EPB41L5: variants seen among roughly 807,000 people sequenced by gnomAD.
EPB41L5 encodes erythrocyte membrane protein band 4.1 like 5, also known as band 4.1-like protein 5.
EPB41L5 carries 55 observed loss-of-function variants against 106.6 expected under a neutral mutation model. The observed-to-expected ratio is 0.52, with a 90% CI of 0.42 to 0.65. The LOEUF is 0.65. EPB41L5 is among the 30% of genes least tolerant of loss of function. The pLI, the probability that EPB41L5 is intolerant of heterozygous loss-of-function variation, is 0.00. For missense variants in EPB41L5, 871 were observed against 882.1 expected, an observed-to-expected ratio of 0.99 and a Z score of 0.16; for synonymous variants, 297 against 306.7, an observed-to-expected ratio of 0.97 and a Z score of 0.33.
chr2:120,097,016 A>G lies in EPB41L5; in HGVS notation c.1179-3228A>G, dbSNP rs139708512. 6.8e-4 allele frequency among the ~76,000 whole-genome samples: 103 copies of G among 152,314 alleles called. 1 individual carries two copies. The East Asian group carries it at 0.018, about 26-fold the overall frequency. ...TGAAAAATTAAGGCTTTTATTTGCA[A>G]AATAGGAGGTTTTTCTTTAAGATGT... On this transcript the variant is annotated intron_variant, in intron 14 of 24. Transcript: ENST00000263713.
intron 11 of EPB41L5, among the ~76,000 whole-genome samples, chr2:120,089,270 AAGAT>A (rs1683255614): frequency 6.6e-6 from 1 of 152,124 alleles, no homozygotes; most frequent in South Asian, 2.1e-4. Context: ...CTTTTAGAGA[AAGAT>A]AAATACAATT....
intron 2 of EPB41L5, among the ~76,000 whole-genome samples, chr2:120,026,694 T>C (rs541543977): frequency 7.2e-5 from 11 of 152,232 alleles, no homozygotes; most frequent in African/African-American, 2.6e-4. Context: ...ACATATGATA[T>C]AAAAAGCATG....
Position 120,036,406 on chromosome 2 carries a change from A to G in EPB41L5, c.181-5600A>G, listed in dbSNP as rs1187451608. ...ATTCCCCCAGGGGTTTCTCAGTGCT[A>G]AATGTTGCTGATACAGACTAGAGTC... On this transcript the variant is annotated intron_variant, in intron 2 of 24. Coordinates refer to ENST00000263713, the MANE Select transcript of EPB41L5 (RefSeq NM_020909.4). Among the ~76,000 whole-genome samples the G allele has an allele frequency of 4.6e-5, 7 of 152,308 alleles. No individual in the cohort carries two copies. The East Asian group carries it at 1.4e-3, about 29-fold the overall frequency.
At chr2:120,027,351 T>C (rs1228056999) in intron 2 of EPB41L5, among the ~76,000 whole-genome samples, 1 of 152,226 alleles carries the variant, frequency 6.6e-6, no homozygotes, top group Non-Finnish European at 1.5e-5. Context: ...TGGGATGTTA[T>C]TTAGCCATAA....
chr2:120,170,230 T>C (rs1214066795), intron 24 of EPB41L5, among the ~76,000 whole-genome samples: 1 of 152,236 alleles, frequency 6.6e-6, no homozygotes, highest in Non-Finnish European at 1.5e-5. Context: ...ATAATTGTAT[T>C]AATTGTCTAC....
chr2:120,043,386 C>A (rs1299691847), intron 3 of EPB41L5, among the ~76,000 whole-genome samples: 1 of 151,668 alleles, frequency 6.6e-6, no homozygotes, highest in Non-Finnish European at 1.5e-5. Flanking sequence ...ACTAAAAATA[C>A]AAAAATTAGC....
chr2:120,104,502 C>T, intron 16 of EPB41L5: 1 of 1,122,710 alleles, frequency 8.9e-7, no homozygotes, highest in Non-Finnish European at 1.1e-6. Context: ...GTTTTCAGAC[C>T]TTAGTATGTT....
intron 10 of EPB41L5, among the ~76,000 whole-genome samples, chr2:120,080,541 T>C (rs13002097): frequency 0.45 from 68,603 of 152,022 alleles, 16,364 homozygotes; most frequent in East Asian, 0.64. Flanking sequence ...AAGTCTTTGC[T>C]ATTGTGAATA....
chr2:120,090,575 C>T (rs1683342852), intron 12 of EPB41L5, 59 bp downstream of exon 12: 3 of 1,463,394 alleles, frequency 2.1e-6, no homozygotes, highest in Admixed American at 2.1e-5. Context: ...AAAATTTAGG[C>T]CAATCTTCTC....
chr2:120,084,424 CT>C (rs1558860187), intron 10 of EPB41L5, among the ~76,000 whole-genome samples: 1 of 152,158 alleles, frequency 6.6e-6, no homozygotes, highest in Non-Finnish European at 1.5e-5. Context: ...GTTGAAAATT[CT>C]TTTCTCTAAG....
chr2:120,030,123 A>G (rs1015065727), intron 2 of EPB41L5, among the ~76,000 whole-genome samples: 2 of 152,232 alleles, frequency 1.3e-5, no homozygotes, highest in Non-Finnish European at 1.5e-5. Flanking sequence ...GCGTAGGCCT[A>G]ACTAACTTCG....
intron 10 of EPB41L5, among the ~76,000 whole-genome samples, chr2:120,085,994 A>T (rs141354533): frequency 0.045 from 6,895 of 152,260 alleles, 224 homozygotes; most frequent in Non-Finnish European, 0.071. Flanking sequence ...TCAGGAGTTC[A>T]AGACCAGCCT....
chr2:120,057,698 T>A (rs1219609404), intron 3 of EPB41L5, among the ~76,000 whole-genome samples: 1 of 151,714 alleles, frequency 6.6e-6, no homozygotes, highest in Non-Finnish European at 1.5e-5. Flanking sequence ...ACTAAACAGA[T>A]ATTTTTATGG....
chr2:120,106,279 C>T, intron 16 of EPB41L5: 1 of 985,336 alleles, frequency 1.0e-6, no homozygotes, highest in Non-Finnish European at 1.2e-6. Flanking sequence ...AGGGCTAAGG[C>T]TGGATGGTAG....
intron 16 of EPB41L5, among the ~76,000 whole-genome samples, chr2:120,121,055 C>T (rs548441110): frequency 1.6e-4 from 25 of 151,556 alleles, no homozygotes; most frequent in African/African-American, 4.6e-4. Context: ...AGGCAGAGGC[C>T]GCAGTGAGCC....
At chr2:120,116,775 A>G (rs1574702356) in intron 16 of EPB41L5, among the ~76,000 whole-genome samples, 1 of 151,772 alleles carries the variant, frequency 6.6e-6, no homozygotes, top group Admixed American at 6.6e-5. Flanking sequence ...TGATCCTCCC[A>G]CCTCAGCCTC....
At chr2:120,100,403 T>C in intron 15 of EPB41L5, 117 bp downstream of exon 15, 1 of 983,886 alleles carries the variant, frequency 1.0e-6, no homozygotes, top group Non-Finnish European at 1.5e-6. Flanking sequence ...ATGTGCATTT[T>C]CTTTTCCTTT....
intron 9 of EPB41L5, 143 bp downstream of exon 9, chr2:120,077,459 G>A (rs1024706859): frequency 2.0e-6 from 1 of 510,004 alleles, no homozygotes; most frequent in African/African-American, 2.0e-5. Context: ...AAAAGTTTGA[G>A]ATTAAATACC....
Position 120,175,115 on chromosome 2 carries a change from T to A in EPB41L5, c.*208T>A. ...CTGCATAGCTGCCCAAAAGAGAGTG[T>A]TTGGTCTTGAACTTTCTATACTTTT... On this transcript the variant is annotated 3_prime_UTR_variant, in exon 25 of 25. Transcript: ENST00000263713. The A allele has an allele frequency of 1.8e-6, 1 of 566,358 alleles. No individual in the cohort carries two copies. The highest frequency in any genetic ancestry group is 3.2e-6 in the Non-Finnish European group (1 of 313,128). 35.1% of individuals were successfully genotyped at this position (566,358 alleles called of 1,614,324 possible).
Sources: gnomAD v4.1 joint callset for allele counts (sites outside exome capture counted in the v4.1 genomes callset) on GRCh38, gnomAD v4.1.1 for gene constraint, MANE v1.5 for transcripts, NCBI Gene and HGNC (gene_info 2026-07-23, HGNC 2026-07-21) for gene names.